The following C13orf46 variants were observed in gnomAD, a reference collection of about 807,000 sequenced individuals.
The protein encoded by C13orf46 is chromosome 13 open reading frame 46.
intron 6 of C13orf46, among the ~76,000 whole-genome samples, chr13:113,963,690 C>T (rs961494022): frequency 1.7e-4 from 26 of 152,320 alleles, no homozygotes; most frequent in African/African-American, 6.0e-4. Flanking sequence ...CGGCCCCTGT[C>T]CTCAGCCTCA....
chr13:113,959,604 T>C (rs913926837), intron 6 of C13orf46, among the ~76,000 whole-genome samples: 2 of 152,134 alleles, frequency 1.3e-5, no homozygotes, highest in Admixed American at 6.5e-5. Flanking sequence ...GCAGAAATGG[T>C]CAAAAATGGT....
rs2138967727 is a variant in C13orf46 at position 113,953,828 on chromosome 13, T to C, written c.*2945A>G. 1 of 152,354 alleles carries C rather than the reference T, an allele frequency of 6.6e-6. No homozygotes were observed. The highest frequency in any genetic ancestry group is 2.1e-4 in the South Asian group (1 of 4,834). The allele number at this position is 152,354 out of a possible 1,614,324, so 9.4% of individuals were successfully genotyped here. Reference sequence around the variant, plus strand: ...ATTTCCGGAAGCTTCTCTGGGTGCCTTTCTGGTTGGCACAGTTGGAGGCCG... The same window carrying C: ...ATTTCCGGAAGCTTCTCTGGGTGCCCTTCTGGTTGGCACAGTTGGAGGCCG... On this transcript the variant is annotated 3_prime_UTR_variant, in exon 7 of 7. Transcript: ENST00000636427.
In C13orf46 at chr13:113,958,317, C is replaced by T. The variant is rs961888459; in HGVS notation, c.573-1478G>A. 6.6e-5 allele frequency among the ~76,000 whole-genome samples: 10 copies of T among 152,286 alleles called. No individual in the cohort carries two copies. The Middle Eastern group carries it at 0.01, about 155-fold the overall frequency. On this transcript the variant is annotated intron_variant, in intron 6 of 6. Transcript: ENST00000636427. ...AAGCCTTAGGGGCTGTGGTGAGTGGCGGATGAGAAGCCCAGTTTGCTGGTT... is the reference window on the plus strand; with the variant it reads ...AAGCCTTAGGGGCTGTGGTGAGTGGTGGATGAGAAGCCCAGTTTGCTGGTT...
chr13:113,963,429 C>T (rs2052606350), intron 6 of C13orf46, among the ~76,000 whole-genome samples: 2 of 141,488 alleles, frequency 1.4e-5, no homozygotes, highest in Non-Finnish European at 3.1e-5. Context: ...AGCCTCGGCC[C>T]TGTCCTCAGC....
chr13:113,927,459 C>A, the C13orf46 span: 3 of 398,384 alleles, frequency 7.5e-6, no homozygotes, highest in African/African-American at 4.1e-5. Flanking sequence ...GGCACTTCAA[C>A]TGCAAAGTAC....
chr13:113,942,775 G>A, the C13orf46 span, among the ~76,000 whole-genome samples: 1 of 152,192 alleles, frequency 6.6e-6, no homozygotes, highest in African/African-American at 2.4e-5. Context: ...CGGCCTGTTG[G>A]TGATCGGTCA....
At chr13:113,957,593 C>CCATA (rs2052549031) in intron 6 of C13orf46, among the ~76,000 whole-genome samples, 1 of 135,074 alleles carries the variant, frequency 7.4e-6, no homozygotes, top group Admixed American at 7.3e-5. Flanking sequence ...CCCCTGCACT[C>CCATA]TGCCTGCACC....
downstream of C13orf46, among the ~76,000 whole-genome samples, chr13:113,950,514 C>G (rs1190092085): frequency 6.6e-6 from 1 of 152,260 alleles, no homozygotes; most frequent in Admixed American, 6.5e-5. Context: ...CTGCCTGCCC[C>G]TCAAGGTGTT....
chr13:113,959,094 T>C (rs1379585703), intron 6 of C13orf46, among the ~76,000 whole-genome samples: 2 of 152,014 alleles, frequency 1.3e-5, no homozygotes, highest in Admixed American at 6.6e-5. Context: ...CTGACCAACA[T>C]AGGGAGATCC....
downstream of C13orf46, among the ~76,000 whole-genome samples, chr13:113,948,903 A>T (rs1471730315): frequency 1.3e-5 from 2 of 152,230 alleles, no homozygotes; most frequent in African/African-American, 4.8e-5. Flanking sequence ...GTCTGATTTC[A>T]TAACAACTCT....
intron 5 of C13orf46, among the ~76,000 whole-genome samples, chr13:113,966,007 ATGATGGTGGTGATGATGGTCATGATAG>A (rs1323079916): frequency 1.2e-3 from 181 of 149,382 alleles, no homozygotes; most frequent in Middle Eastern, 3.6e-3. Context: ...GGTGATGATG[ATGATGGTGGTGATGATGGTCATGATAG>A]TGATGGTGAT....
At chr13:113,935,323 G>C in the C13orf46 span, among the ~76,000 whole-genome samples, 1 of 152,226 alleles carries the variant, frequency 6.6e-6, no homozygotes, top group Non-Finnish European at 1.5e-5. Context: ...AGAGGTTAGG[G>C]GCCCCTGGCC....
rs1012988877 is a variant in C13orf46 at position 113,956,263 on chromosome 13, A to G, written c.*510T>C. ...GAGGAGCATCTCGACGAGAGGAGGA[A>G]CATCCGGTGGAGAGGAGGAGCATCT... is the stretch of plus-strand genomic sequence containing the variant. On this transcript the variant is annotated 3_prime_UTR_variant, in exon 7 of 7. Coordinates refer to ENST00000636427, the MANE Select transcript of C13orf46 (RefSeq NM_001365455.2). The G allele has an allele frequency of 0.63, 93,835 of 148,518 alleles. 29,914 individuals carry two copies. Among genetic ancestry groups the G allele is most frequent in the Non-Finnish European group, 0.71 (48,482 of 68,734 alleles). The allele number at this position is 148,518 out of a possible 1,614,324, so 9.2% of individuals were successfully genotyped here.
rs927282800 is a variant in C13orf46, at chr13:113,969,043, G to A, written c.243-283C>T. 3.8e-3 allele frequency among the ~76,000 whole-genome samples: 582 copies of A among 152,378 alleles called. 3 individuals are homozygous for A. The highest frequency in any genetic ancestry group is 0.013 in the African/African-American group (523 of 41,596). On this transcript the variant is annotated intron_variant, in intron 2 of 6. Transcript: ENST00000636427. ...CAACCTGGGCTTATTTTGGAAAGCA[G>A]GGTCTAACCTTGCTCAAAGAACCAA...
In C13orf46 at chr13:113,955,161, C is replaced by T. The variant is rs1401439454; in HGVS notation, c.*1612G>A. 11 of 158,874 alleles carry T rather than the reference C, an allele frequency of 6.9e-5. No homozygotes were observed. Among genetic ancestry groups the T allele is most frequent in the Non-Finnish European group, 9.3e-5 (8 of 86,280 alleles). 9.8% of individuals were successfully genotyped at this position (158,874 alleles called of 1,614,324 possible). On this transcript the variant is annotated 3_prime_UTR_variant, in exon 7 of 7. Transcript: ENST00000636427. Reference sequence around the variant, plus strand: ...CATCCGGTGGAGATGAGGAGCATCTCGAGGAGAGGAGGAGCATCTGGTGGA... The same window carrying T: ...CATCCGGTGGAGATGAGGAGCATCTTGAGGAGAGGAGGAGCATCTGGTGGA...
At chr13:113,930,721 G>C in the C13orf46 span, among the ~76,000 whole-genome samples, 1 of 152,204 alleles carries the variant, frequency 6.6e-6, no homozygotes, top group Non-Finnish European at 1.5e-5. Context: ...CTGAAGCCTT[G>C]GTTTCCCCAC....
chr13:113,931,378 C>T, the C13orf46 span, among the ~76,000 whole-genome samples: 1 of 152,238 alleles, frequency 6.6e-6, no homozygotes, highest in Non-Finnish European at 1.5e-5. Context: ...AGCACCCCTT[C>T]TTCCATTTGT....
the C13orf46 span, among the ~76,000 whole-genome samples, chr13:113,945,677 GAA>G: frequency 2.6e-4 from 35 of 132,992 alleles, no homozygotes; most frequent in African/African-American, 9.1e-4. Flanking sequence ...AGAAAGGAAA[GAA>G]AAACAAACCA....
the C13orf46 span, among the ~76,000 whole-genome samples, chr13:113,945,607 AG>A: frequency 1.2e-4 from 7 of 57,658 alleles, no homozygotes; most frequent in African/African-American, 3.9e-4. Flanking sequence ...GAAAGAAAGA[AG>A]AAAGAAAGAA....
Sources: allele counts gnomAD v4.1 joint callset (sites outside exome capture counted in the v4.1 genomes callset), GRCh38; gene constraint gnomAD v4.1.1; transcripts MANE v1.5; gene names NCBI Gene and HGNC (gene_info 2026-07-23, HGNC 2026-07-21).